Variants in KAT6B observed in about 807,000 individuals in gnomAD.
KAT6B encodes lysine acetyltransferase 6B, also known as histone acetyltransferase KAT6B.
Under a neutral mutation model 187.5 loss-of-function variants are expected in KAT6B, and 10 were observed. That is an observed-to-expected ratio of 0.05 (90% CI 0.03 to 0.09). The LOEUF is 0.09. KAT6B is among the 10% of genes least tolerant of loss of function. The pLI, the probability that KAT6B is intolerant of heterozygous loss-of-function variation, is 1.00. For synonymous variants in KAT6B, 861 were observed against 926.8 expected, an observed-to-expected ratio of 0.93 and a Z score of 1.29; for missense variants, 1,952 against 2,558.9, an observed-to-expected ratio of 0.76 and a Z score of 5.12.
intron 1 of KAT6B, among the ~76,000 whole-genome samples, chr10:74,827,504 G>C (rs1255000335): frequency 6.6e-6 from 1 of 152,042 alleles, no homozygotes; most frequent in East Asian, 1.9e-4. Flanking sequence ...CTAGCTTTGG[G>C]GTATGAAGTA....
At chr10:74,923,609 G>A (rs924194083) in intron 3 of KAT6B, among the ~76,000 whole-genome samples, 1 of 152,204 alleles carries the variant, frequency 6.6e-6, no homozygotes, top group Non-Finnish European at 1.5e-5. Context: ...CATGGAGAAG[G>A]AGTGTTCTAG....
intron 3 of KAT6B, among the ~76,000 whole-genome samples, chr10:74,889,523 A>ATGGGGACCTTTACACAGACCTTTTCAACC (rs1205655493): frequency 1.4e-4 from 21 of 152,204 alleles, no homozygotes; most frequent in Admixed American, 1.3e-4. Context: ...GGACCTTTGC[A>ATGGGGACCTTTACACAGACCTTTTCAACC]TCTGTGTAAA....
chr10:74,898,306 A>G (rs1846125940), intron 3 of KAT6B, among the ~76,000 whole-genome samples: 1 of 152,160 alleles, frequency 6.6e-6, no homozygotes, highest in Non-Finnish European at 1.5e-5. Flanking sequence ...GACTTTGCAC[A>G]AGTTAGGAGT....
Position 75,030,151 on chromosome 10 carries a change from C to G in KAT6B, c.5327C>G (p.Thr1776Ser). 1 of 1,614,264 alleles carries G rather than the reference C, an allele frequency of 6.2e-7. No homozygotes were observed. The highest frequency in any genetic ancestry group is 8.5e-7 in the Non-Finnish European group (1 of 1,180,048). ...LAQCSMAANF[T>S]PPMQLAEIPE... is the part of the protein sequence containing the mutation. ...CAGTGCAGCATGGCTGCTAACTTCA[C>G]CCCACCCATGCAGCTGGCTGAAATC... Residue 1776 changes from threonine to serine, a missense_variant, in exon 18 of 18, where the codon ACC (threonine) becomes AGC (serine). By Grantham distance (58) the Thr-to-Ser change is moderately conservative (BLOSUM62 1). Around this residue, in one of 9 missense-constraint regions of KAT6B, gnomAD observed 358 missense variants for 436.3 expected, o/e 0.82. Coordinates refer to ENST00000287239, the MANE Select transcript of KAT6B (RefSeq NM_012330.4). The surrounding 1 kb of genome is among the most constrained non-coding windows in gnomAD (Gnocchi z 4.8).
At chr10:74,848,792 A>G (rs144779829) in intron 3 of KAT6B, among the ~76,000 whole-genome samples, 119 of 152,270 alleles carry the variant, frequency 7.8e-4, no homozygotes, top group African/African-American at 2.8e-3. Context: ...TGGCTGCTGA[A>G]CTTGGATTCA....
At chr10:74,941,879 C>T (rs754919089) in intron 3 of KAT6B, among the ~76,000 whole-genome samples, 2 of 152,204 alleles carry the variant, frequency 1.3e-5, no homozygotes, top group African/African-American at 2.4e-5. Context: ...CCGGGTGCCA[C>T]GGCTGTAATC....
At chr10:74,985,367 A>C (rs940074815) in intron 12 of KAT6B, 126 bp downstream of exon 12, 31 of 993,694 alleles carry the variant, frequency 3.1e-5, no homozygotes, top group Non-Finnish European at 4.4e-5. Flanking sequence ...TGAAAAGCTC[A>C]GGTTCTTGTT....
chr10:74,961,956 T>A lies in KAT6B; in HGVS notation c.730+1878T>A, dbSNP rs1841124957. On this transcript the variant is annotated intron_variant, in intron 4 of 17. Transcript: ENST00000287239. The stretch of plus-strand genomic sequence containing the variant: ...CTTCAAGTGGAGAGAGCCAGAGGCT[T>A]TGGGGCCAAGGTATGGGTCATGGCA... Among the ~76,000 whole-genome samples the A allele has an allele frequency of 4.6e-5, 7 of 152,226 alleles. No individual in the cohort carries two copies. The South Asian group carries it at 1.5e-3, about 32-fold the overall frequency.
At chr10:74,894,430 A>G (rs888716395) in intron 3 of KAT6B, among the ~76,000 whole-genome samples, 3 of 152,174 alleles carry the variant, frequency 2.0e-5, no homozygotes, top group African/African-American at 7.2e-5. Context: ...AAAAAACCAC[A>G]TAACATTAAA....
At chr10:74,902,678 A>G (rs1217873676) in intron 3 of KAT6B, among the ~76,000 whole-genome samples, 1 of 152,196 alleles carries the variant, frequency 6.6e-6, no homozygotes, top group Non-Finnish European at 1.5e-5. Context: ...CTTCATATCT[A>G]CTTGTTACCA....
chr10:74,867,752 A>G (rs72803419), intron 3 of KAT6B, among the ~76,000 whole-genome samples: 1,555 of 152,290 alleles, frequency 0.01, 11 homozygotes, highest in Non-Finnish European at 0.017. Context: ...AATTCTGCAG[A>G]CCAGTTGGTC....
intron 13 of KAT6B, among the ~76,000 whole-genome samples, chr10:74,991,949 C>A (rs1298545154): frequency 1.3e-5 from 2 of 152,262 alleles, no homozygotes; most frequent in East Asian, 3.9e-4. Flanking sequence ...TGATTGAAAT[C>A]CAGCCTTTGA....
chr10:74,853,784 C>T (rs555376169), intron 3 of KAT6B, among the ~76,000 whole-genome samples: 67 of 151,892 alleles, frequency 4.4e-4, no homozygotes, highest in Middle Eastern at 3.4e-3. Flanking sequence ...TGTGCCACCA[C>T]TCCTGGCTAA....
intron 17 of KAT6B, among the ~76,000 whole-genome samples, chr10:75,026,603 A>G: frequency 6.6e-6 from 1 of 152,092 alleles, no homozygotes; most frequent in East Asian, 1.9e-4. Context: ...CCCTGGGTAT[A>G]GAGAAACCAA....
intron 3 of KAT6B, among the ~76,000 whole-genome samples, chr10:74,926,494 A>T (rs951844265): frequency 6.6e-6 from 1 of 152,178 alleles, no homozygotes; most frequent in African/African-American, 2.4e-5. Context: ...CACTGTATCC[A>T]TATTGCCTAC....
chr10:74,929,978 G>A (rs1377985074), intron 3 of KAT6B, among the ~76,000 whole-genome samples: 1 of 149,572 alleles, frequency 6.7e-6, no homozygotes, highest in Non-Finnish European at 1.5e-5. Context: ...GGAGTACAGT[G>A]GCATAATCTC....
chr10:74,972,667 C>A, intron 7 of KAT6B, 28 bp downstream of exon 7: 3 of 1,599,052 alleles, frequency 1.9e-6, no homozygotes, highest in Non-Finnish European at 2.6e-6. Flanking sequence ...CAAAAGAAAT[C>A]ATTTATGTTT....
chr10:75,026,699 C>T (rs1281263759), intron 17 of KAT6B, among the ~76,000 whole-genome samples: 1 of 151,896 alleles, frequency 6.6e-6, no homozygotes, highest in Non-Finnish European at 1.5e-5. Context: ...GGTTTATTTC[C>T]CCTTCTTGGC....
chr10:74,838,233 GT>G (rs1479544401), intron 1 of KAT6B, among the ~76,000 whole-genome samples: 1 of 152,188 alleles, frequency 6.6e-6, no homozygotes, highest in Non-Finnish European at 1.5e-5. Context: ...TAGGTGCCTG[GT>G]GGCCTTTGGG....
Sources: allele counts gnomAD v4.1 joint callset (sites outside exome capture counted in the v4.1 genomes callset), GRCh38; gene constraint gnomAD v4.1.1; regional missense constraint gnomAD v4.1.1; non-coding constraint Gnocchi (gnomAD v3.1); transcripts MANE v1.5; gene names NCBI Gene and HGNC (gene_info 2026-07-23, HGNC 2026-07-21).